The following TRAK1 variants were observed in gnomAD, a reference collection of about 807,000 sequenced individuals.
TRAK1 encodes trafficking kinesin-binding protein 1.
A neutral mutation model predicts 92.1 loss-of-function variants in TRAK1; 33 were observed. The observed-to-expected ratio is 0.36, with a 90% CI of 0.27 to 0.48. TRAK1 has a LOEUF of 0.48. Among genes scored for constraint, TRAK1 ranks in the 20% least tolerant of loss-of-function variants. TRAK1 has a pLI of 0.99. For synonymous variants in TRAK1, 521 were observed against 517.3 expected, an observed-to-expected ratio of 1.01 and a Z score of -0.10; for missense variants, 1,123 against 1,257.9, an observed-to-expected ratio of 0.89 and a Z score of 1.62.
At chr3:42,172,357 C>G (rs1264886613) in intron 2 of TRAK1, among the ~76,000 whole-genome samples, 1 of 152,180 alleles carries the variant, frequency 6.6e-6, no homozygotes, top group Non-Finnish European at 1.5e-5. Context: ...CTTGTTGTCC[C>G]AGTGAGAAGC....
chr3:42,116,265 CAG>C (rs1435071350), intron 1 of TRAK1, among the ~76,000 whole-genome samples: 1 of 152,266 alleles, frequency 6.6e-6, no homozygotes, highest in Non-Finnish European at 1.5e-5. Context: ...AGCTTGAACA[CAG>C]TGTCCTTTTC....
At chr3:42,071,980 T>C (rs1053962133) in intron 1 of TRAK1, among the ~76,000 whole-genome samples, 1 of 152,122 alleles carries the variant, frequency 6.6e-6, no homozygotes, top group African/African-American at 2.4e-5. Context: ...GTCCTGAGAA[T>C]GTGGAGAGAA....
intron 1 of TRAK1, among the ~76,000 whole-genome samples, chr3:42,076,862 T>C (rs938813420): frequency 2.6e-5 from 4 of 152,210 alleles, no homozygotes; most frequent in Non-Finnish European, 4.4e-5. Context: ...TAGCCAGTTA[T>C]CCCAGCACCA....
At chr3:42,104,941 C>G (rs371450672) in intron 1 of TRAK1, among the ~76,000 whole-genome samples, 174 of 143,186 alleles carry the variant, frequency 1.2e-3, no homozygotes, top group African/African-American at 4.3e-3. Context: ...TGCAAAGAAG[C>G]TAAAAATCTT....
intron 2 of TRAK1, among the ~76,000 whole-genome samples, chr3:42,128,017 A>G (rs796108884): frequency 2.3e-4 from 35 of 152,264 alleles, no homozygotes; most frequent in African/African-American, 8.4e-4. Context: ...CATCTCTACT[A>G]AAAATATAAA....
chr3:42,142,035 G>A (rs967276081), intron 2 of TRAK1, among the ~76,000 whole-genome samples: 6 of 152,216 alleles, frequency 3.9e-5, no homozygotes, highest in African/African-American at 1.4e-4. Flanking sequence ...AGGAGGCTGA[G>A]GCAGGGGAAT....
chr3:42,154,915 C>T (rs552374077), intron 2 of TRAK1, among the ~76,000 whole-genome samples: 15 of 151,932 alleles, frequency 9.9e-5, no homozygotes, highest in South Asian at 4.2e-4. Flanking sequence ...CTGAACCAGA[C>T]CTTGAAAGAT....
chr3:42,038,411 A>G (rs538288823), intron 1 of TRAK1, among the ~76,000 whole-genome samples: 29 of 152,050 alleles, frequency 1.9e-4, no homozygotes, highest in African/African-American at 6.3e-4. Context: ...TGTAACCTCA[A>G]CCTCTCTGGC....
At chr3:42,156,320 G>A (rs1251151502) in intron 2 of TRAK1, among the ~76,000 whole-genome samples, 1 of 152,190 alleles carries the variant, frequency 6.6e-6, no homozygotes, top group Non-Finnish European at 1.5e-5. Flanking sequence ...CACCCTTGCA[G>A]CAGGAGGGGA....
At chr3:42,204,095 T>C (rs898269620) in intron 13 of TRAK1, 1 of 985,660 alleles carries the variant, frequency 1.0e-6, no homozygotes, top group Non-Finnish European at 1.2e-6. Flanking sequence ...TAGCTTACTC[T>C]TTTTTAATTG....
At chr3:42,176,530 C>T (rs1703233376) in intron 2 of TRAK1, among the ~76,000 whole-genome samples, 1 of 152,182 alleles carries the variant, frequency 6.6e-6, no homozygotes, top group South Asian at 2.1e-4. Context: ...AGACCCCCTT[C>T]CACTCCATTG....
chr3:42,115,484 G>A (rs1411188681), intron 1 of TRAK1, among the ~76,000 whole-genome samples: 1 of 152,150 alleles, frequency 6.6e-6, no homozygotes, highest in Non-Finnish European at 1.5e-5. Context: ...CTTCTTTGGG[G>A]GTATGTGTCA....
At chr3:42,094,729 G>T (rs2148984893) in intron 1 of TRAK1, among the ~76,000 whole-genome samples, 1 of 152,282 alleles carries the variant, frequency 6.6e-6, no homozygotes, top group African/African-American at 2.4e-5. Flanking sequence ...TCCTGTTCTA[G>T]GTTTCTCTAG....
At chr3:42,168,009 A>G (rs1702083982) in intron 2 of TRAK1, among the ~76,000 whole-genome samples, 1 of 152,276 alleles carries the variant, frequency 6.6e-6, no homozygotes, top group Non-Finnish European at 1.5e-5. Context: ...GACTTGGCGA[A>G]GCCTTCAAGG....
chr3:42,203,324 C>A (rs1707912724), intron 13 of TRAK1: 3 of 988,190 alleles, frequency 3.0e-6, no homozygotes, highest in Non-Finnish European at 3.6e-6. Flanking sequence ...CTCCTAGAGT[C>A]TACAATTTGG....
Position 42,125,364 on chromosome 3 carries a change from A to G in TRAK1, c.92-56A>G, listed in dbSNP as rs77101214. Reference sequence around the variant, plus strand: ...CCGCAGGCTACAAGTTTAGTTAACTAGCAGCAAGGCCATAGCCATTTCTGG... The same window carrying G: ...CCGCAGGCTACAAGTTTAGTTAACTGGCAGCAAGGCCATAGCCATTTCTGG... On this transcript the variant is annotated intron_variant, in intron 1 of 15. Coordinates refer to ENST00000327628, the MANE Select transcript of TRAK1 (RefSeq NM_001042646.3). 5.4e-3 allele frequency: 8,304 copies of G among 1,527,964 alleles called. 408 individuals carry two copies. The African/African-American group carries it at 0.1, about 18-fold the overall frequency. The allele number at this position is 1,527,964 out of a possible 1,614,324, so 94.7% of individuals were successfully genotyped here.
intron 2 of TRAK1, among the ~76,000 whole-genome samples, chr3:42,135,999 C>T (rs1206080553): frequency 2.0e-5 from 3 of 152,214 alleles, no homozygotes; most frequent in Non-Finnish European, 4.4e-5. Context: ...CACCAATGAC[C>T]CTGTCCATTC....
chr3:42,220,731 T>G (rs568331859), intron 15 of TRAK1: 1 of 433,030 alleles, frequency 2.3e-6, no homozygotes, highest in Admixed American at 6.4e-5. Flanking sequence ...GCCTTGATGG[T>G]CGATGCCCCT....
At chr3:42,020,053 A>G (rs1378020717) in intron 1 of TRAK1, among the ~76,000 whole-genome samples, 1 of 152,230 alleles carries the variant, frequency 6.6e-6, no homozygotes, top group Non-Finnish European at 1.5e-5. Context: ...CTGACGGTCC[A>G]GATTCATGGT....
Sources: allele counts gnomAD v4.1 joint callset (sites outside exome capture counted in the v4.1 genomes callset), GRCh38; gene constraint gnomAD v4.1.1; transcripts MANE v1.5; gene names NCBI Gene and HGNC (gene_info 2026-07-23, HGNC 2026-07-21).